SEC24B: variants seen among roughly 807,000 people sequenced by gnomAD.
SEC24B encodes SEC24 homolog B, COPII component.
SEC24B carries 45 observed loss-of-function variants against 142.8 expected under a neutral mutation model. The ratio of observed to expected loss-of-function variants is 0.32; its 90% CI spans 0.25 to 0.40. The LOEUF (loss-of-function observed/expected upper bound fraction) is 0.40. Among genes scored for constraint, SEC24B ranks in the 10% least tolerant of loss-of-function variants. The pLI, the probability that SEC24B is intolerant of heterozygous loss-of-function variation, is 1.00. For missense variants in SEC24B, 1,409 were observed against 1,526.8 expected, an observed-to-expected ratio of 0.92 and a Z score of 1.29; for synonymous variants, 574 against 568.2, an observed-to-expected ratio of 1.01 and a Z score of -0.15.
intron 2 of SEC24B, among the ~76,000 whole-genome samples, chr4:109,465,076 A>C (rs1731720379): frequency 6.6e-6 from 1 of 152,256 alleles, no homozygotes; most frequent in African/African-American, 2.4e-5. Flanking sequence ...TGGCATTGAC[A>C]GACTTCATTT....
intron 1 of SEC24B, among the ~76,000 whole-genome samples, chr4:109,446,864 A>G (rs1729520804): frequency 6.6e-6 from 1 of 152,228 alleles, no homozygotes; most frequent in South Asian, 2.1e-4. Context: ...TTATAAAAAT[A>G]CAGTAATAGT....
At chr4:109,460,191 A>AT (rs1461693826) in intron 1 of SEC24B, among the ~76,000 whole-genome samples, 1 of 152,162 alleles carries the variant, frequency 6.6e-6, no homozygotes, top group Non-Finnish European at 1.5e-5. Context: ...CGTAGAATAT[A>AT]TATTACATGA....
At chr4:109,439,734 C>G (rs1728761016) in intron 1 of SEC24B, among the ~76,000 whole-genome samples, 1 of 150,476 alleles carries the variant, frequency 6.6e-6, no homozygotes, top group Non-Finnish European at 1.5e-5. Context: ...CTGCTGACCT[C>G]AGATGATCCA....
chr4:109,488,262 C>G (rs974657084), intron 4 of SEC24B, among the ~76,000 whole-genome samples: 5 of 152,092 alleles, frequency 3.3e-5, no homozygotes, highest in Non-Finnish European at 7.4e-5. Context: ...AGCCTTCTTC[C>G]CATTCTACCC....
At position 109,506,405 on chromosome 4, in the gene SEC24B, G is replaced by A. The variant is rs1278690122; in HGVS notation, c.1566G>A (p.Leu522=). The A allele has an allele frequency of 6.2e-6, 10 of 1,610,940 alleles. No homozygotes were observed. The highest frequency in any genetic ancestry group is 1.3e-5 in the African/African-American group (1 of 74,784). The change falls in exon 7 of 24, where the codon CTG becomes CTA. Residue 522 remains leucine (L), a synonymous_variant. Transcript: ENST00000265175. ...SLQSSPQPES[L]RPVNLTQERN... ...AGAGTTCTCCACAACCAGAAAGCCT[G>A]AGACCTGTAAACCTTACTCAGGAGA... is the stretch of plus-strand genomic sequence containing the variant.
chr4:109,444,185 G>A (rs1200446449), intron 1 of SEC24B, among the ~76,000 whole-genome samples: 2 of 145,438 alleles, frequency 1.4e-5, no homozygotes, highest in Non-Finnish European at 1.5e-5. Flanking sequence ...TCATGCCATC[G>A]CCTGGGCAAC....
chr4:109,533,243 T>G (rs991129364), intron 21 of SEC24B, among the ~76,000 whole-genome samples: 6 of 152,074 alleles, frequency 3.9e-5, no homozygotes, highest in Admixed American at 1.3e-4. Context: ...AGAAAAAGGA[T>G]TTGGATAGCC....
rs1725813378 is a variant in SEC24B, at chr4:109,538,577, C to G, written c.3673C>G (p.Pro1225Ala). ...TWLRDSRPLS[P>A]ILHIVKDESP... ...GCTTAGAGACAGCAGACCATTAAGT[C>G]CAATCCTTCACATAGTAAAGTAAGT... The change falls in exon 23 of 24, where the codon CCA becomes GCA. Residue 1225 changes from proline (P) to alanine (A), a missense_variant. Physicochemically the swap from Pro to Ala is conservative, Grantham distance 27. This residue lies in a region of SEC24B where 700 missense variants were observed against 853.3 expected (regional missense o/e 0.82). Transcript: ENST00000265175. 1.2e-6 allele frequency: 2 copies of G among 1,602,538 alleles called. No individual in the cohort carries two copies. Among genetic ancestry groups the G allele is most frequent in the East Asian group, 4.5e-5 (2 of 44,752 alleles).
chr4:109,514,729 T>A (rs1046121770), intron 10 of SEC24B, among the ~76,000 whole-genome samples: 1 of 152,158 alleles, frequency 6.6e-6, no homozygotes, highest in African/African-American at 2.4e-5. Context: ...AAAAACTATA[T>A]CTTCTGTAGC....
intron 22 of SEC24B, among the ~76,000 whole-genome samples, chr4:109,538,111 A>G (rs1333904247): frequency 1.3e-5 from 2 of 152,234 alleles, no homozygotes; most frequent in Non-Finnish European, 2.9e-5. Flanking sequence ...AGAATAGGAT[A>G]TAATCATATA....
At chr4:109,522,783 C>A (rs1723793403) in intron 14 of SEC24B, among the ~76,000 whole-genome samples, 1 of 152,132 alleles carries the variant, frequency 6.6e-6, no homozygotes, top group African/African-American at 2.4e-5. Flanking sequence ...GTGTGTTTGA[C>A]CTTTTTCATT....
At chr4:109,522,767 A>C (rs994453323) in intron 14 of SEC24B, among the ~76,000 whole-genome samples, 8 of 152,178 alleles carry the variant, frequency 5.3e-5, no homozygotes, top group Admixed American at 1.3e-4. Context: ...GTGTATATAT[A>C]TGTGTGTGTG....
intron 6 of SEC24B, among the ~76,000 whole-genome samples, chr4:109,502,571 G>T (rs1194573017): frequency 6.6e-6 from 1 of 152,138 alleles, no homozygotes; most frequent in African/African-American, 2.4e-5. Context: ...AAAGGAAGGT[G>T]TCAAGAGTAA....
In SEC24B at chr4:109,509,995, T is replaced by G. The variant is rs1737150563; in HGVS notation, c.1674-14T>G. Reference sequence around the variant, plus strand: ...GATAGCTAATATCCTCCATGTTGTTTATGTTTTTTGCAGTTCATTTCGGTG... The same window carrying G: ...GATAGCTAATATCCTCCATGTTGTTGATGTTTTTTGCAGTTCATTTCGGTG... On this transcript the variant is annotated splice_polypyrimidine_tract_variant and intron_variant, in intron 7 of 23. Transcript: ENST00000265175. The G allele has an allele frequency of 6.5e-7, 1 of 1,532,318 alleles. No individual in the cohort carries two copies. Among genetic ancestry groups the G allele is most frequent in the South Asian group, 1.2e-5 (1 of 83,934 alleles). 94.9% of individuals were successfully genotyped at this position (1,532,318 alleles called of 1,614,324 possible).
chr4:109,496,627 A>T (rs913366324), intron 6 of SEC24B, among the ~76,000 whole-genome samples: 2 of 152,202 alleles, frequency 1.3e-5, no homozygotes, highest in African/African-American at 4.8e-5. Context: ...TGGGTGACAT[A>T]CCAAGAGCCC....
intron 14 of SEC24B, among the ~76,000 whole-genome samples, chr4:109,522,567 A>G (rs542920392): frequency 6.6e-6 from 1 of 152,354 alleles, no homozygotes; most frequent in South Asian, 2.1e-4. Flanking sequence ...TAAGTGGTAA[A>G]ACTTACTAAA....
At chr4:109,462,852 A>C in intron 1 of SEC24B, 49 bp from the exon 2 acceptor site, 1 of 1,401,492 alleles carries the variant, frequency 7.1e-7, no homozygotes, top group African/African-American at 1.4e-5. Context: ...GGCTATTTTT[A>C]AAAATTAGTT....
chr4:109,455,928 G>A (rs1730621113), intron 1 of SEC24B, among the ~76,000 whole-genome samples: 1 of 152,060 alleles, frequency 6.6e-6, no homozygotes, highest in African/African-American at 2.4e-5. Context: ...AAACCTGCTG[G>A]TGTTGTTTAT....
chr4:109,520,223 G>A (rs1052265288), intron 11 of SEC24B, 143 bp from the exon 12 acceptor site: 17 of 588,754 alleles, frequency 2.9e-5, no homozygotes, highest in Non-Finnish European at 5.1e-5. Context: ...ATATATATTT[G>A]TTTAGATAGG....
Sources: gnomAD v4.1 joint callset for allele counts (sites outside exome capture counted in the v4.1 genomes callset) on GRCh38, gnomAD v4.1.1 for gene constraint, gnomAD v4.1.1 regional missense constraint, MANE v1.5 for transcripts, NCBI Gene and HGNC (gene_info 2026-07-23, HGNC 2026-07-21) for gene names.